The following THSD4 variants were observed in gnomAD, a reference collection of about 807,000 sequenced individuals.
THSD4 encodes thrombospondin type 1 domain containing 4.
THSD4 carries 69 observed loss-of-function variants against 119.0 expected under a neutral mutation model. That is an observed-to-expected ratio of 0.58 (90% CI 0.48 to 0.71). THSD4 has a LOEUF of 0.71. Among genes scored for constraint, THSD4 ranks in the 30% least tolerant of loss-of-function variants. The probability of loss-of-function intolerance (pLI) is 0.00; values close to 1 mark genes in which losing one functional copy is unlikely to be tolerated. For missense variants in THSD4, 1,393 were observed against 1,391.1 expected (o/e 1.00, Z -0.02); for synonymous variants, 524 against 540.4 (o/e 0.97, Z 0.42).
upstream of THSD4, among the ~76,000 whole-genome samples, chr15:71,114,638 G>A (rs957232177): frequency 6.6e-6 from 1 of 152,126 alleles, no homozygotes; most frequent in African/African-American, 2.4e-5. Flanking sequence ...TTAACTAAAC[G>A]CGTCACTTTG....
At position 71,560,970 on chromosome 15, in the gene THSD4, C is replaced by CATTTT. The variant is rs200892599; in HGVS notation, c.1153-99560_1153-99559insATTTT. On this transcript the variant is annotated intron_variant, in intron 7 of 17. Coordinates refer to ENST00000261862, the MANE Select transcript of THSD4 (RefSeq NM_024817.3). ...GTTCACTAAGCATCATTCTCTTTAT[C>CATTTT]TTTTTTTTTTTTTTTTTTTTTTGAG... 7.3e-5 allele frequency among the ~76,000 whole-genome samples: 9 copies of CATTTT among 123,990 alleles called. 3 individuals are homozygous for CATTTT. The highest frequency in any genetic ancestry group is 6.7e-5 in the Non-Finnish European group (4 of 59,278). The allele number at this position is 123,990 out of a possible 152,430, so 81.3% of individuals were successfully genotyped here.
chr15:71,350,141 T>TAAA (rs3086680), intron 6 of THSD4, among the ~76,000 whole-genome samples: 1 of 111,164 alleles, frequency 9.0e-6, no homozygotes, highest in South Asian at 2.8e-4. Context: ...TGCAAATTAC[T>TAAA]AAAAAAAAAA....
At chr15:71,449,316 A>T (rs73441531) in intron 7 of THSD4, among the ~76,000 whole-genome samples, 9 of 152,178 alleles carry the variant, frequency 5.9e-5, no homozygotes, top group African/African-American at 1.9e-4. Flanking sequence ...TCCACTGAAC[A>T]CATTATTTGG....
chr15:71,593,141 T>C (rs1567052612), intron 7 of THSD4, among the ~76,000 whole-genome samples: 1 of 41,984 alleles, frequency 2.4e-5, no homozygotes, highest in African/African-American at 4.5e-5. Context: ...AAAGAGCCTG[T>C]AGGCCGGGCG....
chr15:71,318,908 C>T (rs868858047), intron 6 of THSD4, among the ~76,000 whole-genome samples: 12 of 152,260 alleles, frequency 7.9e-5, no homozygotes, highest in Middle Eastern at 6.8e-3. Context: ...GGGTGCAGTA[C>T]GATTCTCCTA....
intron 14 of THSD4, among the ~76,000 whole-genome samples, chr15:71,750,393 T>C (rs1191530022): frequency 6.6e-6 from 1 of 152,216 alleles, no homozygotes; most frequent in Non-Finnish European, 1.5e-5. Flanking sequence ...ACATAGGTTT[T>C]CTCTCCCTCT....
At chr15:71,771,260 C>T in intron 17 of THSD4, 52 bp downstream of exon 17, 1 of 1,602,354 alleles carries the variant, frequency 6.2e-7, no homozygotes, top group African/African-American at 1.3e-5. Flanking sequence ...TTAAGCTTGT[C>T]AGATTCTCCG....
At chr15:71,742,916 G>T (rs1216261023) in intron 11 of THSD4, among the ~76,000 whole-genome samples, 1 of 152,062 alleles carries the variant, frequency 6.6e-6, no homozygotes, top group African/African-American at 2.4e-5. Flanking sequence ...TCAGCCAGGC[G>T]CAGTGGCAGG....
chr15:71,567,596 A>AC (rs149069118), intron 7 of THSD4, among the ~76,000 whole-genome samples: 3,466 of 132,032 alleles, frequency 0.026, 161 homozygotes, highest in African/African-American at 0.076. Context: ...GAACAAAGAC[A>AC]CCCCCCCACA....
intron 7 of THSD4, among the ~76,000 whole-genome samples, chr15:71,637,754 T>G (rs1362610437): frequency 6.6e-6 from 1 of 151,858 alleles, no homozygotes; most frequent in Admixed American, 6.6e-5. Context: ...AGACGGAGTT[T>G]AGCTCTTATT....
At chr15:71,185,987 A>G (rs1240979799) in intron 3 of THSD4, 2 of 152,220 alleles carry the variant, frequency 1.3e-5, no homozygotes, top group Non-Finnish European at 2.9e-5. Flanking sequence ...CACTTTCTGT[A>G]TGTTGGGCAC....
intron 10 of THSD4, 119 bp downstream of exon 10, chr15:71,731,336 G>A (rs1044096261): frequency 3.8e-5 from 38 of 1,000,254 alleles, no homozygotes; most frequent in African/African-American, 3.7e-4. Context: ...ATTGAGGGAC[G>A]CATATTTCAA....
At chr15:71,403,827 AG>A (rs1357533243) in intron 6 of THSD4, among the ~76,000 whole-genome samples, 1 of 103,132 alleles carries the variant, frequency 9.7e-6, no homozygotes, top group African/African-American at 3.0e-5. Context: ...CTTGGGGGCA[AG>A]GGAAACTGAC....
intron 7 of THSD4, among the ~76,000 whole-genome samples, chr15:71,566,547 G>A (rs553508411): frequency 6.6e-6 from 1 of 152,278 alleles, no homozygotes; most frequent in South Asian, 2.1e-4. Context: ...GCCATGTTGA[G>A]TGATACCGTG....
chr15:71,366,516 C>G (rs1380943974), intron 6 of THSD4, among the ~76,000 whole-genome samples: 2 of 152,136 alleles, frequency 1.3e-5, no homozygotes, highest in East Asian at 3.9e-4. Flanking sequence ...TGAGGCTCCT[C>G]CTGGGAACAT....
intron 7 of THSD4, among the ~76,000 whole-genome samples, chr15:71,563,854 C>T (rs571233909): frequency 6.6e-6 from 1 of 151,968 alleles, no homozygotes; most frequent in African/African-American, 2.4e-5. Flanking sequence ...GTGACAAATG[C>T]GTATTGAGGC....
intron 11 of THSD4, among the ~76,000 whole-genome samples, chr15:71,740,283 CTG>C (rs1039024406): frequency 1.8e-4 from 27 of 152,212 alleles, no homozygotes; most frequent in African/African-American, 6.3e-4. Flanking sequence ...TGGTGAGACT[CTG>C]TGATATTATA....
At chr15:71,355,626 A>C (rs768654064) in intron 6 of THSD4, among the ~76,000 whole-genome samples, 2 of 152,126 alleles carry the variant, frequency 1.3e-5, no homozygotes, top group Non-Finnish European at 1.5e-5. Context: ...CTGGTCAGTT[A>C]GGAGAGGAAA....
intron 1 of THSD4, among the ~76,000 whole-genome samples, chr15:71,125,024 T>C (rs956494449): frequency 2.0e-5 from 3 of 151,768 alleles, no homozygotes; most frequent in Non-Finnish European, 2.9e-5. Context: ...CAGTGAGCCA[T>C]GTTCATGCAA....
Sources: allele counts gnomAD v4.1 joint callset (sites outside exome capture counted in the v4.1 genomes callset), GRCh38; gene constraint gnomAD v4.1.1; transcripts MANE v1.5; gene names NCBI Gene and HGNC (gene_info 2026-07-23, HGNC 2026-07-21).